The following GRIK1 variants were observed in gnomAD, a reference collection of about 807,000 sequenced individuals.
GRIK1 encodes the protein glutamate receptor ionotropic, kainate 1.
Under a neutral mutation model 105.7 loss-of-function variants are expected in GRIK1, and 69 were observed. That is an observed-to-expected ratio of 0.65 (90% confidence interval 0.54 to 0.80). GRIK1 has a LOEUF of 0.80. GRIK1 is among the 30% of genes least tolerant of loss of function. The pLI, the probability that GRIK1 is intolerant of heterozygous loss-of-function variation, is 0.00. For missense variants in GRIK1, 1,109 were observed against 1,167.3 expected, an observed-to-expected ratio of 0.95 and a Z score of 0.73; for synonymous variants, 438 against 431.3, an observed-to-expected ratio of 1.02 and a Z score of -0.19.
intron 1 of GRIK1, among the ~76,000 whole-genome samples, chr21:29,825,081 C>A (rs1201113597): frequency 6.6e-6 from 1 of 151,912 alleles, no homozygotes; most frequent in Non-Finnish European, 1.5e-5. Context: ...AGATTAGAGC[C>A]AGAGACACTT....
intron 1 of GRIK1, among the ~76,000 whole-genome samples, chr21:29,751,840 T>C (rs547568702): frequency 1.3e-5 from 2 of 152,342 alleles, no homozygotes; most frequent in South Asian, 2.1e-4. Context: ...GTTCCCATTA[T>C]TTGCCATTCC....
chr21:29,651,078 C>A, intron 6 of GRIK1, 40 bp downstream of exon 6: 1 of 1,507,840 alleles, frequency 6.6e-7, no homozygotes, highest in South Asian at 1.2e-5. Context: ...CGAAGGCATT[C>A]AAATATTCTT....
chr21:29,750,646 T>C (rs1214951322), intron 1 of GRIK1, among the ~76,000 whole-genome samples: 1 of 151,826 alleles, frequency 6.6e-6, no homozygotes, highest in Non-Finnish European at 1.5e-5. Flanking sequence ...CTGATGAGGG[T>C]CAATAGAGGA....
chr21:29,773,538 T>C (rs2065865753), intron 1 of GRIK1, among the ~76,000 whole-genome samples: 1 of 152,134 alleles, frequency 6.6e-6, no homozygotes, highest in Non-Finnish European at 1.5e-5. Flanking sequence ...GCCTTCTTTA[T>C]CACACTCTAC....
At chr21:29,690,111 T>C in intron 2 of GRIK1, 126 bp from the exon 3 acceptor site, 1 of 752,970 alleles carries the variant, frequency 1.3e-6, no homozygotes, top group Non-Finnish European at 2.2e-6. Flanking sequence ...TTGAAAAATC[T>C]TTTACAATCC....
chr21:29,657,743 T>C (rs1005949667), intron 4 of GRIK1: 1 of 152,204 alleles, frequency 6.6e-6, no homozygotes, highest in African/African-American at 2.4e-5. Flanking sequence ...TTAAAGCAGT[T>C]GTTCTTGTGA....
chr21:29,810,620 A>G (rs2066985356), intron 1 of GRIK1, among the ~76,000 whole-genome samples: 1 of 152,054 alleles, frequency 6.6e-6, no homozygotes, highest in Non-Finnish European at 1.5e-5. Flanking sequence ...TTTTAAATTT[A>G]TATTTTCTTT....
chr21:29,902,495 C>T (rs1011779793), intron 1 of GRIK1, among the ~76,000 whole-genome samples: 2 of 152,158 alleles, frequency 1.3e-5, no homozygotes, highest in Admixed American at 6.5e-5. Context: ...CATTCTTATA[C>T]ACCAATAACA....
chr21:29,603,687 TG>T (rs397866788), intron 7 of GRIK1, among the ~76,000 whole-genome samples: 2 of 152,206 alleles, frequency 1.3e-5, no homozygotes, highest in African/African-American at 4.8e-5. Context: ...TGTGGATTGA[TG>T]GGTTAAACGA....
At chr21:29,897,161 CA>C (rs1360666758) in intron 1 of GRIK1, among the ~76,000 whole-genome samples, 1 of 152,138 alleles carries the variant, frequency 6.6e-6, no homozygotes, top group African/African-American at 2.4e-5. Flanking sequence ...TGATTTGTAG[CA>C]AGTATGAAGG....
chr21:29,644,272 C>T (rs1208938345), intron 6 of GRIK1, among the ~76,000 whole-genome samples: 2 of 151,972 alleles, frequency 1.3e-5, no homozygotes, highest in African/African-American at 4.8e-5. Flanking sequence ...TTGTATTTTC[C>T]ATCTATTCAT....
intron 1 of GRIK1, chr21:29,861,676 A>G (rs1396294564): frequency 4.4e-6 from 2 of 459,626 alleles, no homozygotes; most frequent in African/African-American, 2.0e-5. Context: ...ATGAATGAAT[A>G]TTGGGTTTTG....
chr21:29,576,976 C>A lies in GRIK1; in HGVS notation c.2118G>T (p.Met706Ile), dbSNP rs756343266. Residue 706 changes from methionine (M) to isoleucine (I), a missense_variant, in exon 14 of 18, where the codon ATG (methionine) becomes ATT (isoleucine). Physicochemically the swap from Met to Ile is conservative, Grantham distance 10. This residue lies in a region of GRIK1 where 264 missense variants were observed against 306.9 expected (regional missense o/e 0.86). Transcript: ENST00000327783. The part of the protein sequence containing the change: ...EYGAVRDGST[M>I]TFFKKSKIST... ...GTCAGCTTCTTACCTTGAAGAAGGT[C>A]ATTGTTGATCCATCTCTAACCGCCC... 14 of 1,597,374 alleles carry A rather than the reference C, an allele frequency of 8.8e-6. No homozygotes were observed. The highest frequency in any genetic ancestry group is 1.0e-5 in the Non-Finnish European group (12 of 1,165,998).
chr21:29,868,792 G>A (rs569775033), intron 1 of GRIK1, among the ~76,000 whole-genome samples: 1 of 152,098 alleles, frequency 6.6e-6, no homozygotes, highest in African/African-American at 2.4e-5. Flanking sequence ...GCTTTGAAAA[G>A]GTTTCAAGAA....
At chr21:29,538,167 G>T (rs1568786282) in intron 16 of GRIK1, among the ~76,000 whole-genome samples, 1 of 151,788 alleles carries the variant, frequency 6.6e-6, no homozygotes, top group Non-Finnish European at 1.5e-5. Context: ...ATAATTTGCT[G>T]TCATTTTTCT....
intron 7 of GRIK1, among the ~76,000 whole-genome samples, chr21:29,619,988 C>T (rs141985136): frequency 1.6e-4 from 24 of 152,272 alleles, no homozygotes; most frequent in East Asian, 3.9e-4. Flanking sequence ...AAGATAGTCA[C>T]GGTTCTCTTT....
At chr21:29,924,653 C>A (rs2071299076) in intron 1 of GRIK1, among the ~76,000 whole-genome samples, 1 of 152,070 alleles carries the variant, frequency 6.6e-6, no homozygotes, top group Non-Finnish European at 1.5e-5. Context: ...TTATTCTCCC[C>A]CGACCTTTTT....
intron 5 of GRIK1, among the ~76,000 whole-genome samples, chr21:29,652,111 A>G (rs2062751022): frequency 6.6e-6 from 1 of 152,186 alleles, no homozygotes; most frequent in Admixed American, 6.5e-5. Flanking sequence ...CCCAGTTCAT[A>G]GCCTTTGGGG....
intron 7 of GRIK1, among the ~76,000 whole-genome samples, chr21:29,603,529 A>G (rs2061558099): frequency 6.6e-6 from 1 of 152,152 alleles, no homozygotes; most frequent in African/African-American, 2.4e-5. Context: ...AAAAACTATC[A>G]GCAATGAATA....
Sources: allele counts gnomAD v4.1 joint callset (sites outside exome capture counted in the v4.1 genomes callset), GRCh38; gene constraint gnomAD v4.1.1; regional missense constraint gnomAD v4.1.1; transcripts MANE v1.5; gene names NCBI Gene and HGNC (gene_info 2026-07-23, HGNC 2026-07-21).